LIN9: variants seen among roughly 807,000 people sequenced by gnomAD.
The protein encoded by LIN9 is lin-9 DREAM MuvB core complex component.
LIN9 carries 18 observed loss-of-function variants against 78.0 expected under a neutral mutation model. The observed-to-expected ratio is 0.23, with a 90% CI of 0.16 to 0.34. The LOEUF is 0.34. LIN9 is among the 10% of genes least tolerant of loss of function. The pLI is 1.00. For synonymous variants in LIN9, 192 were observed against 215.2 expected, an observed-to-expected ratio of 0.89 and a Z score of 0.94; for missense variants, 451 against 644.1, an observed-to-expected ratio of 0.70 and a Z score of 3.25.
intron 7 of LIN9, among the ~76,000 whole-genome samples, chr1:226,272,534 T>C (rs1476854497): frequency 1.4e-5 from 2 of 146,734 alleles, no homozygotes; most frequent in Non-Finnish European, 3.0e-5. Flanking sequence ...ACTACCATGC[T>C]TGACCTTTTT....
chr1:226,301,177 T>C lies in LIN9; in HGVS notation c.60A>G (p.Leu20=), dbSNP rs188672834. The C allele has an allele frequency of 3.1e-6, 5 of 1,601,834 alleles. No homozygotes were observed. The East Asian group carries it at 8.9e-5, about 29-fold the overall frequency. ...ESSSAKALVS[L]KEGSLSNTWN... is the part of the protein sequence containing the mutation. ...TAAAAATGCTATACTTCTTACCTTTTAAACTGACAAGGGCTTTTGCTGAAG... is the reference window on the plus strand; with the variant it reads ...TAAAAATGCTATACTTCTTACCTTTCAAACTGACAAGGGCTTTTGCTGAAG... The change falls in exon 2 of 15, where the codon TTA becomes TTG. Residue 20 remains leucine (L), a synonymous_variant. Transcript: ENST00000681046.
At chr1:226,273,311 G>T (rs1660428992) in intron 7 of LIN9, among the ~76,000 whole-genome samples, 2 of 132,664 alleles carry the variant, frequency 1.5e-5, no homozygotes, top group South Asian at 4.6e-4. Flanking sequence ...AGGCTGGAGT[G>T]CTGTGGTATA....
chr1:226,264,785 G>C (rs1659813459), intron 10 of LIN9, among the ~76,000 whole-genome samples: 1 of 152,064 alleles, frequency 6.6e-6, no homozygotes, highest in South Asian at 2.1e-4. Context: ...GGAGGTAGAG[G>C]TTGCAGTGAG....
intron 12 of LIN9, among the ~76,000 whole-genome samples, chr1:226,237,185 T>C (rs1657773154): frequency 6.6e-6 from 1 of 152,226 alleles, no homozygotes; most frequent in Non-Finnish European, 1.5e-5. Context: ...CGTTTCTGCA[T>C]GTACCATCAG....
intron 2 of LIN9, among the ~76,000 whole-genome samples, chr1:226,298,085 A>C (rs1447457971): frequency 1.3e-5 from 2 of 152,232 alleles, no homozygotes; most frequent in African/African-American, 2.4e-5. Context: ...TTGGATTTTT[A>C]ATAATTTCTC....
rs1661948683 is a variant in LIN9 at position 226,293,848 on chromosome 1, T to C, written c.264+1994A>G. ...GGGATTACAAAATCAAATTATTAGA[T>C]GCTTATGTGCACTTGTCCTTGACAA... On this transcript the variant is annotated intron_variant, in intron 4 of 14. Coordinates refer to ENST00000681046, the MANE Select transcript of LIN9 (RefSeq NM_001366245.2). Among the ~76,000 whole-genome samples the C allele has an allele frequency of 3.3e-5, 5 of 152,364 alleles. No homozygotes were observed. The South Asian group carries it at 1.0e-3, about 32-fold the overall frequency.
intron 6 of LIN9, among the ~76,000 whole-genome samples, chr1:226,284,177 T>C (rs559822804): frequency 2.6e-5 from 4 of 152,180 alleles, no homozygotes; most frequent in Admixed American, 2.6e-4. Context: ...CTTCACCATG[T>C]ACTTGAGAGT....
At chr1:226,287,237 C>G (rs142228450) in intron 5 of LIN9, among the ~76,000 whole-genome samples, 2 of 152,284 alleles carry the variant, frequency 1.3e-5, no homozygotes, top group East Asian at 3.9e-4. Context: ...GTATACCTAG[C>G]GTGCTTAAGT....
intron 11 of LIN9, among the ~76,000 whole-genome samples, chr1:226,249,870 C>G (rs1301484988): frequency 6.6e-6 from 1 of 152,154 alleles, no homozygotes; most frequent in Non-Finnish European, 1.5e-5. Context: ...ACATAAACAG[C>G]TTTTTAAAAA....
At chr1:226,277,957 C>T in intron 6 of LIN9, 25 bp from the exon 7 acceptor site, 1 of 1,565,222 alleles carries the variant, frequency 6.4e-7, no homozygotes, top group Non-Finnish European at 8.7e-7. Context: ...AAAAAACATA[C>T]AAACTGATAA....
chr1:226,256,544 A>G (rs1659203419), intron 10 of LIN9, among the ~76,000 whole-genome samples: 2 of 150,204 alleles, frequency 1.3e-5, no homozygotes, highest in South Asian at 4.2e-4. Flanking sequence ...ACAATAATAA[A>G]TAAAATAAAT....
At chr1:226,279,918 TC>T (rs1660935090) in intron 6 of LIN9, among the ~76,000 whole-genome samples, 1 of 152,158 alleles carries the variant, frequency 6.6e-6, no homozygotes, top group South Asian at 2.1e-4. Context: ...TTTTTCACCA[TC>T]CTTTGATGAA....
At chr1:226,306,850 G>A (rs544280147) in intron 1 of LIN9, among the ~76,000 whole-genome samples, 82 of 152,158 alleles carry the variant, frequency 5.4e-4, no homozygotes, top group African/African-American at 1.7e-3. Flanking sequence ...CTGTTACTTT[G>A]CACTAATTCC....
intron 7 of LIN9, among the ~76,000 whole-genome samples, chr1:226,270,021 C>T (rs1660166046): frequency 6.6e-6 from 1 of 152,144 alleles, no homozygotes; most frequent in Admixed American, 6.6e-5. Context: ...CTCCCGGGTT[C>T]AAGTGATTCT....
Position 226,287,697 on chromosome 1 carries a change from C to T in LIN9, c.365G>A (p.Cys122Tyr). 1 of 1,552,710 alleles carries T rather than the reference C, an allele frequency of 6.4e-7. No homozygotes were observed. Among genetic ancestry groups the T allele is most frequent in the Non-Finnish European group, 8.6e-7 (1 of 1,157,818 alleles). The change falls in exon 5 of 15, where the codon TGT becomes TAT. Residue 122 changes from cysteine (C) to tyrosine (Y), a missense_variant. Coordinates refer to ENST00000681046, the MANE Select transcript of LIN9 (RefSeq NM_001366245.2). ...LLKLPKAHKW[C>Y]IYEWFYSNID... Reference sequence around the variant, plus strand: ...ATTTGAATAGAACCACTCGTATATACACCATTTATGTGCTTTAGGAAGCTT... The same window carrying T: ...ATTTGAATAGAACCACTCGTATATATACCATTTATGTGCTTTAGGAAGCTT...
chr1:226,262,907 G>A (rs1395870163), intron 10 of LIN9, among the ~76,000 whole-genome samples: 1 of 152,128 alleles, frequency 6.6e-6, no homozygotes, highest in African/African-American at 2.4e-5. Flanking sequence ...GTTTGTCAAT[G>A]AGTAAATAAA....
chr1:226,245,734 A>T (rs1658435729), intron 11 of LIN9, among the ~76,000 whole-genome samples: 1 of 151,734 alleles, frequency 6.6e-6, no homozygotes. Context: ...CGTAGCTGGG[A>T]TTATAGCTGT....
At chr1:226,269,936 AT>A (rs1208773641) in intron 7 of LIN9, among the ~76,000 whole-genome samples, 1 of 152,086 alleles carries the variant, frequency 6.6e-6, no homozygotes, top group African/African-American at 2.4e-5. Context: ...TATTATTATT[AT>A]TTTGAGATGG....
In LIN9 at chr1:226,243,849, T is replaced by C. The variant is rs937282182; in HGVS notation, c.1120-4753A>G. 2.7e-5 allele frequency among the ~76,000 whole-genome samples: 4 copies of C among 150,642 alleles called. 1 individual carries two copies. The highest frequency in any genetic ancestry group is 1.3e-4 in the Admixed American group (2 of 14,994). On this transcript the variant is annotated intron_variant, in intron 11 of 14. Transcript: ENST00000681046. ...AATTTTTTAAAGAAAAGTATATTCA[T>C]TTTACACATATACACATACAATTAA... is the stretch of plus-strand genomic sequence containing the variant.
Sources: gnomAD v4.1 joint callset for allele counts (sites outside exome capture counted in the v4.1 genomes callset) on GRCh38, gnomAD v4.1.1 for gene constraint, MANE v1.5 for transcripts, NCBI Gene and HGNC (gene_info 2026-07-23, HGNC 2026-07-21) for gene names.